MAML3: variants seen among roughly 807,000 people sequenced by gnomAD.
MAML3 encodes mastermind like transcriptional coactivator 3.
In MAML3, 27 loss-of-function variants were observed where a neutral mutation model predicts 101.9. The ratio of observed to expected loss-of-function variants is 0.27; its 90% CI spans 0.20 to 0.37. The LOEUF (loss-of-function observed/expected upper bound fraction) is 0.37. MAML3 is among the 10% of genes least tolerant of loss of function. MAML3 has a pLI of 1.00. For missense variants in MAML3, 1,316 were observed against 1,444.9 expected, an observed-to-expected ratio of 0.91 and a Z score of 1.45; for synonymous variants, 501 against 555.9, an observed-to-expected ratio of 0.90 and a Z score of 1.39.
At chr4:139,951,016 A>G (rs1381111545) in intron 1 of MAML3, among the ~76,000 whole-genome samples, 1 of 152,228 alleles carries the variant, frequency 6.6e-6, no homozygotes, top group Non-Finnish European at 1.5e-5. Flanking sequence ...GATTGTTACA[A>G]TCACATTTTG....
chr4:139,980,578 AAGGTGCT>A (rs1734426702), intron 1 of MAML3, among the ~76,000 whole-genome samples: 1 of 152,172 alleles, frequency 6.6e-6, no homozygotes, highest in Non-Finnish European at 1.5e-5. Flanking sequence ...AAGACTCATA[AAGGTGCT>A]TTTAGTCTAA....
intron 1 of MAML3, among the ~76,000 whole-genome samples, chr4:139,942,823 A>T (rs1357542025): frequency 6.6e-6 from 1 of 152,180 alleles, no homozygotes; most frequent in Admixed American, 6.5e-5. Flanking sequence ...AAGCTAAATA[A>T]AGCAGATATC....
At chr4:140,149,228 C>CT (rs1560909006) in intron 1 of MAML3, among the ~76,000 whole-genome samples, 1 of 152,160 alleles carries the variant, frequency 6.6e-6, no homozygotes, top group Non-Finnish European at 1.5e-5. Flanking sequence ...AAGAAAAAAA[C>CT]TATGTCAATA....
chr4:139,730,879 G>A, intron 2 of MAML3: 3 of 591,046 alleles, frequency 5.1e-6, no homozygotes, highest in Non-Finnish European at 9.0e-6. Context: ...CAGTAAGAGA[G>A]CATGGCTCTG....
intron 1 of MAML3, among the ~76,000 whole-genome samples, chr4:140,125,998 G>A (rs1022460399): frequency 8.6e-5 from 13 of 151,566 alleles, no homozygotes; most frequent in African/African-American, 2.9e-4. Context: ...GGCTGGTCTC[G>A]AACTCCTGAC....
rs1732459951 is a variant in MAML3 at position 139,890,743 on chromosome 4, G to C, written c.693C>G (p.Asn231Lys). 1 of 1,613,938 alleles carries C rather than the reference G, an allele frequency of 6.2e-7. No individual in the cohort carries two copies. Among genetic ancestry groups the C allele is most frequent in the African/African-American group, 1.3e-5 (1 of 74,930 alleles). The change falls in exon 2 of 5, where the codon AAC becomes AAG. Residue 231 changes from asparagine to lysine, a missense_variant. By Grantham distance (94) the Asn-to-Lys change is moderately conservative. Coordinates refer to ENST00000509479, the MANE Select transcript of MAML3 (RefSeq NM_018717.5). The surrounding 1 kb of genome is among the most constrained non-coding windows in gnomAD (Gnocchi z 4.1). Reference sequence around the variant, plus strand: ...GAAGCCCAGGAGTGTGAGTTCCACTGTTCTGCAAGGGCAAAGAAGGTTTCA... The same window carrying C: ...GAAGCCCAGGAGTGTGAGTTCCACTCTTCTGCAAGGGCAAAGAAGGTTTCA... ...LDLKPSLPLQ[N>K]SGTHTPGLLE...
At chr4:139,893,929 T>C (rs1233173417) in intron 1 of MAML3, among the ~76,000 whole-genome samples, 7 of 152,042 alleles carry the variant, frequency 4.6e-5, no homozygotes, top group African/African-American at 1.7e-4. Flanking sequence ...AGGGTTTCAG[T>C]GACTTTACAT....
At chr4:139,987,586 CT>C (rs1423653206) in intron 1 of MAML3, among the ~76,000 whole-genome samples, 3 of 152,102 alleles carry the variant, frequency 2.0e-5, no homozygotes, top group African/African-American at 7.2e-5. Context: ...GGTGTGGCAT[CT>C]TTGTTCTCCC....
intron 1 of MAML3, among the ~76,000 whole-genome samples, chr4:140,019,284 A>G (rs1165045432): frequency 6.6e-6 from 1 of 152,218 alleles, no homozygotes; most frequent in Non-Finnish European, 1.5e-5. Flanking sequence ...CAGGTCCCTC[A>G]GAAGCCTGAG....
Position 139,719,349 on chromosome 4 carries a change from G to T in MAML3, c.3391C>A (p.Leu1131Ile). The change falls in exon 5 of 5, where the codon CTT (leucine) becomes ATT (isoleucine). Residue 1131 changes from leucine (L) to isoleucine (I), a missense_variant. Leu to Ile is a conservative substitution (Grantham distance 5). Transcript: ENST00000509479. ...TAGGGGTTACCAAACAATTCATCAAGCTCCTGCATCCACTCGTCCCCTGGC... is the reference window on the plus strand; with the variant it reads ...TAGGGGTTACCAAACAATTCATCAATCTCCTGCATCCACTCGTCCCCTGGC... ...GGPGDEWMQE[L>I]DELFGNP 1 of 1,599,612 alleles carries T rather than the reference G, an allele frequency of 6.3e-7. No homozygotes were observed. The highest frequency in any genetic ancestry group is 8.5e-7 in the Non-Finnish European group (1 of 1,170,910).
intron 1 of MAML3, among the ~76,000 whole-genome samples, chr4:140,054,982 A>G (rs1316321057): frequency 6.6e-5 from 10 of 152,234 alleles, no homozygotes; most frequent in Admixed American, 6.5e-4. Context: ...CCAACAATGA[A>G]ATATGCTACC....
At chr4:139,896,018 T>C (rs1732597611) in intron 1 of MAML3, among the ~76,000 whole-genome samples, 1 of 152,238 alleles carries the variant, frequency 6.6e-6, no homozygotes, top group South Asian at 2.1e-4. Flanking sequence ...ATGTCCAAAA[T>C]AGCAGAGCAA....
intron 1 of MAML3, among the ~76,000 whole-genome samples, chr4:139,891,689 A>G (rs796879873): frequency 1.8e-4 from 28 of 152,364 alleles, no homozygotes; most frequent in African/African-American, 6.0e-4. Flanking sequence ...AACATTTAAA[A>G]AAAATGCTAA....
At chr4:140,023,358 C>T (rs970018351) in intron 1 of MAML3, among the ~76,000 whole-genome samples, 1 of 152,170 alleles carries the variant, frequency 6.6e-6, no homozygotes, top group African/African-American at 2.4e-5. Flanking sequence ...ATCATCAATG[C>T]GCATGGAAGC....
chr4:139,754,291 T>C (rs1304899121), intron 2 of MAML3, among the ~76,000 whole-genome samples: 2 of 152,244 alleles, frequency 1.3e-5, no homozygotes, highest in Non-Finnish European at 2.9e-5. Context: ...ATTATTTTCT[T>C]CTTGATTATA....
intron 1 of MAML3, among the ~76,000 whole-genome samples, chr4:140,077,640 C>T (rs993200379): frequency 6.6e-6 from 1 of 152,106 alleles, no homozygotes; most frequent in Non-Finnish European, 1.5e-5. Flanking sequence ...GAATATATAT[C>T]AAATCTTTGC....
At chr4:139,786,078 T>C (rs372247199) in intron 2 of MAML3, among the ~76,000 whole-genome samples, 2 of 151,620 alleles carry the variant, frequency 1.3e-5, no homozygotes, top group Non-Finnish European at 3.0e-5. Context: ...ATATGGCTGG[T>C]GTTCATCTAA....
intron 1 of MAML3, among the ~76,000 whole-genome samples, chr4:139,976,939 T>C (rs1734350662): frequency 6.6e-6 from 1 of 150,940 alleles, no homozygotes; most frequent in Non-Finnish European, 1.5e-5. Flanking sequence ...ATGGTCTGAA[T>C]GGCTGTATTC....
At chr4:139,816,280 C>T (rs1730891081) in intron 2 of MAML3, among the ~76,000 whole-genome samples, 1 of 152,124 alleles carries the variant, frequency 6.6e-6, no homozygotes, top group South Asian at 2.1e-4. Context: ...CCCGCAGCAT[C>T]GAGGCTGTGG....
Sources: allele counts gnomAD v4.1 joint callset (sites outside exome capture counted in the v4.1 genomes callset), GRCh38; gene constraint gnomAD v4.1.1; non-coding constraint Gnocchi (gnomAD v3.1); transcripts MANE v1.5; gene names NCBI Gene and HGNC (gene_info 2026-07-23, HGNC 2026-07-21).